The following NR2C1 variants were observed in gnomAD, a reference collection of about 807,000 sequenced individuals.
NR2C1 encodes the protein TR2 nuclear hormone receptor.
A neutral mutation model predicts 74.8 loss-of-function variants in NR2C1; 33 were observed. The observed-to-expected ratio is 0.44, with a 90% CI of 0.33 to 0.59. NR2C1 has a LOEUF of 0.59. Among genes scored for constraint, NR2C1 ranks in the 20% least tolerant of loss-of-function variants. NR2C1 has a pLI of 0.02. For synonymous variants in NR2C1, 225 were observed against 240.6 expected (o/e 0.94, Z 0.60); for missense variants, 568 against 715.6 (o/e 0.79, Z 2.35).
chr12:95,042,999 C>G (rs1565849315), intron 9 of NR2C1, among the ~76,000 whole-genome samples: 1 of 151,188 alleles, frequency 6.6e-6, no homozygotes, highest in Non-Finnish European at 1.5e-5. Flanking sequence ...AGTGATGGCT[C>G]ACACCTGTAT....
At chr12:95,063,000 T>C in intron 2 of NR2C1, 1 of 498,834 alleles carries the variant, frequency 2.0e-6, no homozygotes, top group South Asian at 2.3e-5. Flanking sequence ...GACAAACATA[T>C]ATTGGGTGAT....
chr12:95,050,533 T>G (rs913015374), intron 8 of NR2C1, among the ~76,000 whole-genome samples: 1 of 152,132 alleles, frequency 6.6e-6, no homozygotes, highest in Admixed American at 6.6e-5. Context: ...GGTCTCAAAC[T>G]CCTGACCTCA....
At position 95,057,989 on chromosome 12, in the gene NR2C1, A is replaced by G. The variant is rs542394888; in HGVS notation, c.545-111T>C. On this transcript the variant is annotated intron_variant, in intron 5 of 13. Coordinates refer to ENST00000333003, the MANE Select transcript of NR2C1 (RefSeq NM_003297.4). The stretch of plus-strand genomic sequence containing the variant: ...TAATAGGAGACATGGCTACCATACT[A>G]AACTCCAAAGATAACCATCAATCTT... The G allele has an allele frequency of 3.0e-5, 28 of 926,686 alleles. No individual in the cohort carries two copies. In the South Asian group the frequency reaches 4.2e-4, roughly 14 times the overall value. The allele number at this position is 926,686 out of a possible 1,614,324, so 57.4% of individuals were successfully genotyped here.
rs1871034980 is a variant in NR2C1 at position 95,037,755 on chromosome 12, T to C, written c.1253+2721A>G. Among the ~76,000 whole-genome samples, 5 of 151,958 alleles carry C rather than the reference T, an allele frequency of 3.3e-5. No individual in the cohort carries two copies. The South Asian group carries it at 1.0e-3, about 32-fold the overall frequency. On this transcript the variant is annotated intron_variant, in intron 10 of 13. Transcript: ENST00000333003. Reference sequence around the variant, plus strand: ...CTAAAAATACAAAAAATTAGCCGGGTGTGGTTGCAGGTGCCTGTAGTCCCA... The same window carrying C: ...CTAAAAATACAAAAAATTAGCCGGGCGTGGTTGCAGGTGCCTGTAGTCCCA...
At chr12:95,052,536 A>G (rs1873174808) in intron 7 of NR2C1, among the ~76,000 whole-genome samples, 1 of 152,110 alleles carries the variant, frequency 6.6e-6, no homozygotes, top group South Asian at 2.1e-4. Flanking sequence ...AGATCACTGC[A>G]TCCTTAAATT....
At chr12:95,058,027 G>A (rs1370662589) in intron 5 of NR2C1, 149 bp from the exon 6 acceptor site, 2 of 786,612 alleles carry the variant, frequency 2.5e-6, no homozygotes, top group Non-Finnish European at 3.9e-6. Context: ...GAAATTATGT[G>A]CAAGTTCAAC....
chr12:95,071,650 C>T (rs1044456091), intron 1 of NR2C1, among the ~76,000 whole-genome samples: 2 of 151,904 alleles, frequency 1.3e-5, no homozygotes, highest in Admixed American at 6.6e-5. Context: ...CAAAATGAGG[C>T]CCCCCACCAT....
intron 11 of NR2C1, among the ~76,000 whole-genome samples, chr12:95,029,068 C>T (rs911483217): frequency 4.6e-5 from 7 of 152,066 alleles, no homozygotes; most frequent in Admixed American, 4.6e-4. Context: ...GTATAAAAAT[C>T]GTAAGTAGAA....
chr12:95,044,084 C>T (rs1372192972), intron 9 of NR2C1, among the ~76,000 whole-genome samples: 1 of 152,062 alleles, frequency 6.6e-6, no homozygotes, highest in Admixed American at 6.6e-5. Context: ...GCCTGTATAT[C>T]TTTAGGTTTA....
At chr12:95,035,154 T>C (rs942475936) in intron 10 of NR2C1, among the ~76,000 whole-genome samples, 1 of 152,014 alleles carries the variant, frequency 6.6e-6, no homozygotes, top group African/African-American at 2.4e-5. Flanking sequence ...AGTCTATGAG[T>C]GTAAAAAGCA....
chr12:95,049,104 C>G lies in NR2C1; in HGVS notation c.1095G>C (p.Glu365Asp), dbSNP rs774810634. ...CATGTGAATCGCTGAGAAGTGGCCC[C>G]TCTTTTTCGGTGTAATTTATGCTTG... is the stretch of plus-strand genomic sequence containing the variant. ...GDSSINYTEK[E>D]GPLLSDSHVA... The change falls in exon 9 of 14, where the codon GAG (glutamate) becomes GAC (aspartate). Residue 365 changes from glutamate (E) to aspartate (D), a missense_variant. Glu to Asp is a conservative substitution (Grantham distance 45). Around this residue, in one of 6 missense-constraint regions of NR2C1, gnomAD observed 239 missense variants for 232.3 expected, o/e 1.03. Transcript: ENST00000333003. 6.2e-7 allele frequency: 1 copy of G among 1,614,052 alleles called. No individual in the cohort carries two copies.
At position 95,020,473 on chromosome 12, in the gene NR2C1, C is replaced by G. The variant is rs1375583178; in HGVS notation, c.*1756G>C. On this transcript the variant is annotated 3_prime_UTR_variant, in exon 14 of 14. Coordinates refer to ENST00000333003, the MANE Select transcript of NR2C1 (RefSeq NM_003297.4). ...CTGATTTTTCCATTTGAGTATTATA[C>G]TAAATGTAATTTAGCTGATAATTAT... 1 of 151,988 alleles carries G rather than the reference C, an allele frequency of 6.6e-6. No individual in the cohort carries two copies. Among genetic ancestry groups the G allele is most frequent in the Non-Finnish European group, 1.5e-5 (1 of 68,008 alleles). The allele number at this position is 151,988 out of a possible 1,614,324, so 9.4% of individuals were successfully genotyped here. A position where few individuals can be genotyped will look rare whatever the true frequency, so the allele number is the denominator to read the frequency against.
intron 11 of NR2C1, chr12:95,030,330 T>C (rs1221789587): frequency 8.1e-6 from 5 of 618,384 alleles, no homozygotes; most frequent in African/African-American, 3.8e-5. Context: ...ACCATCTACA[T>C]GTTTCACTAC....
At chr12:95,040,393 A>G (rs1592744257) in intron 10 of NR2C1, 83 bp downstream of exon 10, 2 of 1,365,654 alleles carry the variant, frequency 1.5e-6, no homozygotes, top group Non-Finnish European at 9.9e-7. Flanking sequence ...CTTTAATGCA[A>G]ATCTTCCCAA....
At chr12:95,072,576 G>T (rs1400664078) in intron 1 of NR2C1, 1 of 152,000 alleles carries the variant, frequency 6.6e-6, no homozygotes, top group African/African-American at 2.4e-5. Context: ...AACCCTAAAG[G>T]CCGTAATTTT....
intron 9 of NR2C1, among the ~76,000 whole-genome samples, chr12:95,041,275 C>G (rs1035228934): frequency 6.6e-6 from 1 of 152,002 alleles, no homozygotes; most frequent in East Asian, 1.9e-4. Context: ...ATCACGATGT[C>G]GAGAGATCGA....
chr12:95,036,512 CTTTT>C (rs776220936), intron 10 of NR2C1, among the ~76,000 whole-genome samples: 3 of 140,044 alleles, frequency 2.1e-5, no homozygotes, highest in African/African-American at 2.6e-5. Context: ...TGTGGGTTTA[CTTTT>C]TTTTTTTTTT....
At chr12:95,032,398 C>T (rs571324822) in intron 10 of NR2C1, among the ~76,000 whole-genome samples, 44 of 150,204 alleles carry the variant, frequency 2.9e-4, no homozygotes, top group Non-Finnish European at 5.0e-4. Context: ...GCAGAGCTTG[C>T]AGTGAGCAGA....
chr12:95,062,453 T>A (rs1002654305), intron 3 of NR2C1, 55 bp downstream of exon 3: 2 of 1,251,436 alleles, frequency 1.6e-6, no homozygotes, highest in Non-Finnish European at 2.2e-6. Flanking sequence ...GGGCTTATGA[T>A]TAAAATTTTT....
Sources: allele counts gnomAD v4.1 joint callset (sites outside exome capture counted in the v4.1 genomes callset), GRCh38; gene constraint gnomAD v4.1.1; regional missense constraint gnomAD v4.1.1; transcripts MANE v1.5; gene names NCBI Gene and HGNC (gene_info 2026-07-23, HGNC 2026-07-21).